The following LAMC3 variants were observed in gnomAD, a reference collection of about 807,000 sequenced individuals.
LAMC3 encodes laminin subunit gamma 3.
A neutral mutation model predicts 173.8 loss-of-function variants in LAMC3; 128 were observed. The observed-to-expected ratio is 0.74, with a 90% CI of 0.64 to 0.85. LAMC3 has a LOEUF of 0.85. Ranked by LOEUF, LAMC3 falls within the 40% of genes least tolerant of loss-of-function variation. The pLI is 0.00. For missense variants in LAMC3, 2,022 were observed against 2,156.0 expected, an observed-to-expected ratio of 0.94 and a Z score of 1.23; for synonymous variants, 897 against 909.1, an observed-to-expected ratio of 0.99 and a Z score of 0.24.
At chr9:131,034,836 C>A (rs1186184874) in intron 3 of LAMC3, among the ~76,000 whole-genome samples, 1 of 152,220 alleles carries the variant, frequency 6.6e-6, no homozygotes, top group Non-Finnish European at 1.5e-5. Context: ...TGCCTGATTC[C>A]ACCTGTCTCT....
chr9:131,046,856 G>T (rs1377632949), intron 8 of LAMC3, among the ~76,000 whole-genome samples: 1 of 149,440 alleles, frequency 6.7e-6, no homozygotes, highest in Non-Finnish European at 1.5e-5. Context: ...AGCTGAAACA[G>T]AAGAACCTCA....
chr9:131,071,979 C>A (rs897354696), intron 18 of LAMC3, among the ~76,000 whole-genome samples: 1 of 152,136 alleles, frequency 6.6e-6, no homozygotes, highest in African/African-American at 2.4e-5. Context: ...CATAGAAAAT[C>A]TTAATAAATG....
intron 6 of LAMC3, 80 bp downstream of exon 6, chr9:131,039,328 T>C: frequency 1.7e-6 from 2 of 1,161,560 alleles, no homozygotes; most frequent in Non-Finnish European, 2.5e-6. Context: ...CAGCAGTCCC[T>C]CCCCTCCCCA....
chr9:131,056,788 T>G (rs1834414665), intron 11 of LAMC3, 141 bp from the exon 12 acceptor site: 1 of 739,256 alleles, frequency 1.4e-6, no homozygotes, highest in Non-Finnish European at 2.4e-6. Flanking sequence ...AGAATCTGTC[T>G]CAAAAAAAGA....
intron 8 of LAMC3, among the ~76,000 whole-genome samples, chr9:131,046,488 C>T (rs1324789308): frequency 1.4e-5 from 2 of 141,184 alleles, no homozygotes; most frequent in African/African-American, 2.6e-5. Flanking sequence ...GGACTACAGG[C>T]GTGCACCACC....
chr9:131,024,335 A>G (rs2133222765), intron 1 of LAMC3, among the ~76,000 whole-genome samples: 1 of 152,046 alleles, frequency 6.6e-6, no homozygotes, highest in East Asian at 1.9e-4. Context: ...TAGTAGAGAC[A>G]GGGATTCACC....
Position 131,039,060 on chromosome 9 carries a change from G to T in LAMC3, c.1165+8G>T. ...GTGACTGCCAGTCGGCAGGTGAGTG[G>T]ACTCCACATCCCCAGCCTCCGACCC... On this transcript the variant is annotated splice_region_variant and intron_variant, in intron 5 of 27. Transcript: ENST00000361069. 1.2e-6 allele frequency: 2 copies of T among 1,612,968 alleles called. No homozygotes were observed. The highest frequency in any genetic ancestry group is 1.7e-6 in the Non-Finnish European group (2 of 1,179,974).
chr9:131,078,556 T>C (rs1228041406), intron 22 of LAMC3, among the ~76,000 whole-genome samples: 1 of 152,196 alleles, frequency 6.6e-6, no homozygotes, highest in Non-Finnish European at 1.5e-5. Context: ...TAACCCAGAT[T>C]GATGCCCAAG....
chr9:131,045,396 GA>G, intron 7 of LAMC3, 127 bp from the exon 8 acceptor site: 16 of 1,070,058 alleles, frequency 1.5e-5, no homozygotes, highest in South Asian at 4.0e-5. Flanking sequence ...CTAGAATTCT[GA>G]AAAAAAATTG....
chr9:131,053,610 G>C (rs1485242367), intron 11 of LAMC3, among the ~76,000 whole-genome samples: 1 of 152,178 alleles, frequency 6.6e-6, no homozygotes, highest in African/African-American at 2.4e-5. Context: ...CAAGGCGAGT[G>C]GATCATGAAG....
At position 131,009,414 on chromosome 9, in the gene LAMC3, CCGCGGG is replaced by C; in HGVS notation, c.207_212del (p.Gly71_Ala72del). On this transcript the variant is annotated inframe_deletion, in exon 1 of 28. Coordinates refer to ENST00000361069, the MANE Select transcript of LAMC3 (RefSeq NM_006059.4). This position sits in a 1 kb window ranked among gnomAD's most constrained non-coding sequence, Gnocchi z 4.3. The stretch of plus-strand genomic sequence containing the variant: ...GAGGACTTCTGTCCCCACGTGGGCG[CCGCGGG>C]CGCGGGGGCTCATTGCCAGCGCTGC... 1 of 1,541,166 alleles carries C rather than the reference CCGCGGG, an allele frequency of 6.5e-7. No homozygotes were observed. The highest frequency in any genetic ancestry group is 8.7e-7 in the Non-Finnish European group (1 of 1,145,142).
Position 131,068,781 on chromosome 9 carries a change from C to T in LAMC3, c.2748-127C>T. 6 of 945,170 alleles carry T rather than the reference C, an allele frequency of 6.3e-6. No homozygotes were observed. The South Asian group carries it at 6.4e-5, about 10-fold the overall frequency. The allele number at this position is 945,170 out of a possible 1,614,324, so 58.5% of individuals were successfully genotyped here. On this transcript the variant is annotated intron_variant, in intron 15 of 27. Coordinates refer to ENST00000361069, the MANE Select transcript of LAMC3 (RefSeq NM_006059.4). ...ACAGCTGGGGAAGCTGTGCCATGCA[C>T]CGAGAGGAGATGGGGTCTTGTCAGC...
intron 12 of LAMC3, 53 bp downstream of exon 12, chr9:131,057,200 G>C: frequency 6.7e-7 from 1 of 1,495,558 alleles, no homozygotes; most frequent in Non-Finnish European, 9.3e-7. Flanking sequence ...CCAAAACAGC[G>C]GGATGAGTAC....
intron 21 of LAMC3, among the ~76,000 whole-genome samples, 161 bp downstream of exon 21, chr9:131,076,126 G>T (rs921871454): frequency 2.0e-5 from 3 of 152,144 alleles, no homozygotes; most frequent in African/African-American, 7.2e-5. Context: ...GGGGCCACAG[G>T]GTCTTGGGCC....
At chr9:131,041,541 A>C (rs552341759) in intron 6 of LAMC3, 96 bp from the exon 7 acceptor site, 1 of 1,068,812 alleles carries the variant, frequency 9.4e-7, no homozygotes, top group African/African-American at 1.6e-5. Flanking sequence ...CTCACTCCTG[A>C]TGTTGGCAGC....
At chr9:131,034,285 T>C (rs1259877508) in intron 3 of LAMC3, among the ~76,000 whole-genome samples, 1 of 152,148 alleles carries the variant, frequency 6.6e-6, no homozygotes. Context: ...GGCAGTCCCT[T>C]GTGACTTCCC....
At chr9:131,041,859 G>A (rs955010249) in intron 7 of LAMC3, 124 bp downstream of exon 7, 3 of 803,132 alleles carry the variant, frequency 3.7e-6, no homozygotes, top group Admixed American at 4.0e-5. Context: ...GGGTGACCTT[G>A]TCACCCTGTG....
chr9:131,032,750 C>T lies in LAMC3; in HGVS notation c.809+575C>T, dbSNP rs140960128. 5.7e-3 allele frequency among the ~76,000 whole-genome samples: 867 copies of T among 152,302 alleles called. 9 individuals are homozygous for T. The highest frequency in any genetic ancestry group is 9.1e-3 in the South Asian group (44 of 4,830). Reference sequence around the variant, plus strand: ...GTGGTGCAATCTCAGCTCACTGCAACCTCTGCCTCCCAGGTTCAAGGTATT... The same window carrying T: ...GTGGTGCAATCTCAGCTCACTGCAATCTCTGCCTCCCAGGTTCAAGGTATT... On this transcript the variant is annotated intron_variant, in intron 3 of 27. Coordinates refer to ENST00000361069, the MANE Select transcript of LAMC3 (RefSeq NM_006059.4).
intron 13 of LAMC3, among the ~76,000 whole-genome samples, chr9:131,064,697 T>G (rs1391649603): frequency 6.8e-6 from 1 of 147,556 alleles, no homozygotes; most frequent in African/African-American, 2.5e-5. Flanking sequence ...TACATACTCA[T>G]TGTAATGTTG....
Sources: allele counts gnomAD v4.1 joint callset (sites outside exome capture counted in the v4.1 genomes callset), GRCh38; gene constraint gnomAD v4.1.1; non-coding constraint Gnocchi (gnomAD v3.1); transcripts MANE v1.5; gene names NCBI Gene and HGNC (gene_info 2026-07-23, HGNC 2026-07-21).